CRK: variants seen among roughly 807,000 people sequenced by gnomAD.
The protein encoded by CRK is adapter molecule crk.
A neutral mutation model predicts 29.8 loss-of-function variants in CRK; 4 were observed. That is an observed-to-expected ratio of 0.13 (90% CI 0.07 to 0.31). The LOEUF is 0.31. CRK is among the 10% of genes least tolerant of loss of function. The pLI is 1.00. For synonymous variants in CRK, 153 were observed against 164.9 expected, an observed-to-expected ratio of 0.93 and a Z score of 0.55; for missense variants, 274 against 396.5, an observed-to-expected ratio of 0.69 and a Z score of 2.62.
intron 1 of CRK, among the ~76,000 whole-genome samples, chr17:1,451,231 GCTT>G (rs995683903): frequency 4.0e-5 from 5 of 125,676 alleles, no homozygotes; most frequent in Admixed American, 2.5e-4. Flanking sequence ...ATTTTAAAAA[GCTT>G]CTTCATCATT....
chr17:1,427,683 G>A (rs932983973), intron 2 of CRK, among the ~76,000 whole-genome samples: 2 of 151,894 alleles, frequency 1.3e-5, no homozygotes, highest in African/African-American at 2.4e-5. Context: ...AGGCTGGAGT[G>A]CAGTGACGCT....
At chr17:1,451,251 A>C (rs1260284216) in intron 1 of CRK, among the ~76,000 whole-genome samples, 1 of 149,062 alleles carries the variant, frequency 6.7e-6, no homozygotes, top group Non-Finnish European at 1.5e-5. Flanking sequence ...CATTGACTTT[A>C]GATAGCAGAT....
intron 2 of CRK, among the ~76,000 whole-genome samples, chr17:1,436,083 G>A (rs145278563): frequency 8.5e-5 from 13 of 152,204 alleles, no homozygotes; most frequent in African/African-American, 3.1e-4. Flanking sequence ...GCCACTCCTC[G>A]GAATGAGGAC....
chr17:1,454,219 G>T (rs1280122319), intron 1 of CRK, among the ~76,000 whole-genome samples: 1 of 151,768 alleles, frequency 6.6e-6, no homozygotes, highest in Non-Finnish European at 1.5e-5. Flanking sequence ...AAATAAGTAA[G>T]AAATAAATAA....
At chr17:1,452,745 G>A (rs558500397) in intron 1 of CRK, among the ~76,000 whole-genome samples, 13 of 151,548 alleles carry the variant, frequency 8.6e-5, no homozygotes, top group Admixed American at 3.3e-4. Context: ...GGCCAATATC[G>A]CGCCATTGCG....
intron 2 of CRK, among the ~76,000 whole-genome samples, chr17:1,432,374 A>G (rs370769464): frequency 8.6e-5 from 13 of 151,448 alleles, no homozygotes; most frequent in Admixed American, 4.0e-4. Flanking sequence ...CTGTAATCCC[A>G]GCTACCCGGG....
intron 1 of CRK, among the ~76,000 whole-genome samples, chr17:1,451,192 C>CAAAAAAAAAAAAAAAAAAAAAAA: frequency 1.5e-5 from 1 of 66,962 alleles, no homozygotes; most frequent in Non-Finnish European, 2.6e-5. Flanking sequence ...GAAACTGTCT[C>CAAAAAAAAAAAAAAAAAAAAAAA]AAAAAAAAAA....
At chr17:1,428,117 AC>A (rs2073799283) in intron 2 of CRK, among the ~76,000 whole-genome samples, 1 of 136,388 alleles carries the variant, frequency 7.3e-6, no homozygotes, top group African/African-American at 2.9e-5. Context: ...TTTCTTTCAG[AC>A]TTTTTTTTTT....
In CRK at chr17:1,436,822, G is replaced by A. The variant is rs1200376984; in HGVS notation, c.575C>T (p.Pro192Leu). 1.3e-6 allele frequency: 2 copies of A among 1,590,896 alleles called. No homozygotes were observed. Among genetic ancestry groups the A allele is most frequent in the African/African-American group, 2.7e-5 (2 of 74,424 alleles). ...IPVPYVEKYR[P>L]ASASVSALIG... ...CAGAGCCGATACTGAGGCGGAGGCA[G>A]GTCTATACTTCTCGACGTAAGGGAC... The change falls in exon 2 of 3, where the codon CCT becomes CTT. Residue 192 changes from proline (P) to leucine (L), a missense_variant. Pro to Leu is a moderately conservative substitution (Grantham distance 98, BLOSUM62 -3). Around this residue, in one of 3 missense-constraint regions of CRK, gnomAD observed 121 missense variants for 154.3 expected, o/e 0.78. Coordinates refer to ENST00000300574, the MANE Select transcript of CRK (RefSeq NM_016823.4).
At chr17:1,424,529 T>C (rs944739357) in intron 2 of CRK, 1 of 152,232 alleles carries the variant, frequency 6.6e-6, no homozygotes, top group African/African-American at 2.4e-5. Flanking sequence ...AGGCAAGCCT[T>C]TTCCCATATG....
chr17:1,445,190 A>G (rs922194833), intron 1 of CRK, among the ~76,000 whole-genome samples: 1 of 152,116 alleles, frequency 6.6e-6, no homozygotes, highest in African/African-American at 2.4e-5. Flanking sequence ...AGGTAATAAG[A>G]CACAATGTTA....
intron 1 of CRK, among the ~76,000 whole-genome samples, chr17:1,443,278 G>A (rs146529443): frequency 2.6e-4 from 40 of 152,102 alleles, no homozygotes; most frequent in African/African-American, 9.4e-4. Context: ...CACTGCACCC[G>A]GCCGCAGCCT....
chr17:1,450,262 A>C (rs537168958), intron 1 of CRK, among the ~76,000 whole-genome samples: 1 of 152,082 alleles, frequency 6.6e-6, no homozygotes, highest in Non-Finnish European at 1.5e-5. Flanking sequence ...TAATCCCAGC[A>C]CTTTGGGAGG....
chr17:1,446,063 A>G (rs1259663081), intron 1 of CRK, among the ~76,000 whole-genome samples: 1 of 152,114 alleles, frequency 6.6e-6, no homozygotes, highest in Non-Finnish European at 1.5e-5. Context: ...GCGCCCAGCC[A>G]GATATTATCT....
At chr17:1,443,481 T>C (rs915263707) in intron 1 of CRK, among the ~76,000 whole-genome samples, 4 of 152,096 alleles carry the variant, frequency 2.6e-5, no homozygotes, top group Non-Finnish European at 5.9e-5. Flanking sequence ...CTGCAAGCTC[T>C]GCCTCCCAGG....
intron 1 of CRK, among the ~76,000 whole-genome samples, chr17:1,455,658 T>A (rs1469914738): frequency 6.6e-6 from 1 of 151,164 alleles, no homozygotes; most frequent in African/African-American, 2.4e-5. Flanking sequence ...GCGGCTGCCC[T>A]CCCCAGGCAC....
intron 1 of CRK, among the ~76,000 whole-genome samples, chr17:1,443,188 C>T (rs1410927978): frequency 6.6e-6 from 1 of 151,820 alleles, no homozygotes; most frequent in Non-Finnish European, 1.5e-5. Context: ...ACCACGTTGG[C>T]AAGGCTGGTC....
intron 1 of CRK, among the ~76,000 whole-genome samples, chr17:1,448,172 A>G (rs1309762171): frequency 6.6e-6 from 1 of 151,834 alleles, no homozygotes; most frequent in African/African-American, 2.4e-5. Context: ...TCCTAAGCAA[A>G]TAGAATGTTC....
chr17:1,433,407 G>A (rs2073861168), intron 2 of CRK, among the ~76,000 whole-genome samples: 1 of 151,926 alleles, frequency 6.6e-6, no homozygotes, highest in Non-Finnish European at 1.5e-5. Context: ...AGTACAGAGA[G>A]GCAGCACAGG....
Sources: gnomAD v4.1 joint callset for allele counts (sites outside exome capture counted in the v4.1 genomes callset) on GRCh38, gnomAD v4.1.1 for gene constraint, gnomAD v4.1.1 regional missense constraint, MANE v1.5 for transcripts, NCBI Gene and HGNC (gene_info 2026-07-23, HGNC 2026-07-21) for gene names.